The following ZNF69 variants were observed in gnomAD, a reference collection of about 807,000 sequenced individuals.
ZNF69 encodes the protein zinc finger protein 69.
A neutral mutation model predicts 50.9 loss-of-function variants in ZNF69; 47 were observed. The ratio of observed to expected loss-of-function variants is 0.92; its 90% CI spans 0.73 to 1.18. The LOEUF (loss-of-function observed/expected upper bound fraction) is 1.18. ZNF69 is among the 50% of genes most tolerant of loss of function. ZNF69 has a pLI of 0.00. For synonymous variants in ZNF69, 216 were observed against 223.1 expected (o/e 0.97, Z 0.29); for missense variants, 717 against 675.1 (o/e 1.06, Z -0.69).
chr19:11,919,583 C>A, the ZNF69 span, among the ~76,000 whole-genome samples: 1 of 152,116 alleles, frequency 6.6e-6, no homozygotes, highest in Non-Finnish European at 1.5e-5. Context: ...CACAGGGAGA[C>A]CCTGTCTCAA....
the ZNF69 span, among the ~76,000 whole-genome samples, chr19:11,966,626 G>A: frequency 2.6e-5 from 4 of 152,016 alleles, no homozygotes; most frequent in Admixed American, 6.6e-5. Flanking sequence ...CACCTGCCTC[G>A]GCCTCCCAGT....
At chr19:11,904,247 T>C (rs1187157008) in intron 3 of ZNF69, among the ~76,000 whole-genome samples, 2 of 152,090 alleles carry the variant, frequency 1.3e-5, no homozygotes, top group Non-Finnish European at 2.9e-5. Flanking sequence ...AAAAATTAGC[T>C]GGGCATTGTG....
chr19:11,893,178 T>A (rs1217548845), intron 1 of ZNF69, among the ~76,000 whole-genome samples: 1 of 152,200 alleles, frequency 6.6e-6, no homozygotes, highest in Non-Finnish European at 1.5e-5. Flanking sequence ...AGAGGTTAAT[T>A]GGTGGATTCT....
the ZNF69 span, among the ~76,000 whole-genome samples, chr19:11,972,798 A>C: frequency 6.6e-6 from 1 of 152,148 alleles, no homozygotes. Flanking sequence ...CCCTGTTTTA[A>C]ACATCTTGAC....
At chr19:11,948,509 AGC>A in the ZNF69 span, 2 of 1,613,220 alleles carry the variant, frequency 1.2e-6, no homozygotes, top group Non-Finnish European at 1.7e-6. Context: ...TATGGACCAA[AGC>A]CATATAAGTG....
the ZNF69 span, among the ~76,000 whole-genome samples, chr19:11,919,829 G>A: frequency 5.3e-5 from 8 of 152,260 alleles, no homozygotes; most frequent in African/African-American, 1.4e-4. Context: ...TTGGACTCCC[G>A]AAGCTCCAGA....
chr19:11,893,893 T>C (rs1220330452), intron 1 of ZNF69, among the ~76,000 whole-genome samples: 1 of 152,190 alleles, frequency 6.6e-6, no homozygotes, highest in African/African-American at 2.4e-5. Flanking sequence ...GATGTTGCTA[T>C]TGAGGAAAAA....
chr19:11,923,822 G>T, the ZNF69 span, among the ~76,000 whole-genome samples: 2 of 152,322 alleles, frequency 1.3e-5, no homozygotes, highest in Admixed American at 1.3e-4. Flanking sequence ...CCTGCAGGGG[G>T]CAGCAGAGCC....
the ZNF69 span, among the ~76,000 whole-genome samples, chr19:11,922,265 G>C: frequency 6.6e-6 from 1 of 152,180 alleles, no homozygotes; most frequent in Non-Finnish European, 1.5e-5. Flanking sequence ...GCTATGCAAG[G>C]TCATAAATTA....
chr19:11,950,624 G>T, the ZNF69 span: 1 of 416,934 alleles, frequency 2.4e-6, no homozygotes, highest in Non-Finnish European at 4.6e-6. Flanking sequence ...ATGAATGTAA[G>T]CAGTATGGGA....
At chr19:11,977,206 C>G in the ZNF69 span, 5 of 1,611,384 alleles carry the variant, frequency 3.1e-6, no homozygotes, top group Non-Finnish European at 4.2e-6. Context: ...ATTAGTGAAC[C>G]AGTGTTTCTA....
the ZNF69 span, among the ~76,000 whole-genome samples, chr19:11,956,982 C>T: frequency 6.6e-6 from 1 of 152,100 alleles, no homozygotes; most frequent in Middle Eastern, 3.2e-3. Flanking sequence ...GCTAGGGATC[C>T]ACAGGCAGAT....
chr19:11,891,427 AGAAGGAAGGAAGGAAGAAAAAG>A (rs968159793), intron 1 of ZNF69, among the ~76,000 whole-genome samples: 9 of 151,334 alleles, frequency 5.9e-5, no homozygotes, highest in Non-Finnish European at 8.9e-5. Context: ...GAAGGAAGGA[AGAAGGAAGGAAGGAAGAAAAAG>A]GAAGGAAGGA....
chr19:11,901,210 G>T (rs1027679692), intron 1 of ZNF69, among the ~76,000 whole-genome samples: 1 of 152,036 alleles, frequency 6.6e-6, no homozygotes, highest in African/African-American at 2.4e-5. Flanking sequence ...TATAGTAGAT[G>T]TTTCTATGTT....
chr19:11,944,197 G>C, the ZNF69 span, among the ~76,000 whole-genome samples: 3 of 152,240 alleles, frequency 2.0e-5, no homozygotes, highest in South Asian at 6.2e-4. Flanking sequence ...TGTAGCTGTC[G>C]CTGTAACTTA....
the ZNF69 span, among the ~76,000 whole-genome samples, chr19:11,923,969 G>A: frequency 2.6e-5 from 4 of 152,130 alleles, no homozygotes; most frequent in Non-Finnish European, 5.9e-5. Context: ...CTCCAGAAAG[G>A]GTGTGGATTC....
the ZNF69 span, among the ~76,000 whole-genome samples, chr19:11,971,391 C>T: frequency 6.6e-6 from 1 of 152,140 alleles, no homozygotes; most frequent in Non-Finnish European, 1.5e-5. Context: ...ACTTCTAATA[C>T]TATAGTGGGG....
chr19:11,962,655 T>A, the ZNF69 span, among the ~76,000 whole-genome samples: 1 of 151,916 alleles, frequency 6.6e-6, no homozygotes, highest in African/African-American at 2.4e-5. Context: ...GGACCAATAC[T>A]CCCAGCCCTG....
At chr19:11,945,088 C>T in the ZNF69 span, among the ~76,000 whole-genome samples, 2 of 152,216 alleles carry the variant, frequency 1.3e-5, no homozygotes, top group African/African-American at 4.8e-5. Context: ...CTCCAACTGC[C>T]TTTTTTTCTT....
Sources: allele counts gnomAD v4.1 joint callset (sites outside exome capture counted in the v4.1 genomes callset), GRCh38; gene constraint gnomAD v4.1.1; transcripts MANE v1.5; gene names NCBI Gene and HGNC (gene_info 2026-07-23, HGNC 2026-07-21).